The following TPRG1 variants were observed in gnomAD, a reference collection of about 807,000 sequenced individuals.
TPRG1 encodes tumor protein p63 regulated 1.
In TPRG1, 29 loss-of-function variants were observed where a neutral mutation model predicts 29.3. The ratio of observed to expected loss-of-function variants is 0.99; its 90% CI spans 0.74 to 1.35. The LOEUF is 1.35. Ranked by LOEUF, TPRG1 falls within the 40% of genes most tolerant of loss-of-function variation. The pLI is 0.00. For missense variants in TPRG1, 327 were observed against 335.0 expected, an observed-to-expected ratio of 0.98 and a Z score of 0.19; for synonymous variants, 130 against 116.8, an observed-to-expected ratio of 1.11 and a Z score of -0.73.
chr3:189,147,711 T>C (rs1277762556), intron 4 of TPRG1: 1 of 152,186 alleles, frequency 6.6e-6, no homozygotes, highest in Non-Finnish European at 1.5e-5. Flanking sequence ...GACCTGTAGG[T>C]CTCCGGCCTG....
intron 5 of TPRG1, among the ~76,000 whole-genome samples, chr3:189,319,215 T>G (rs1459236773): frequency 2.0e-5 from 3 of 152,184 alleles, no homozygotes; most frequent in African/African-American, 7.2e-5. Flanking sequence ...GTGATTATTA[T>G]TATGAAAAAT....
chr3:189,174,808 G>T (rs1318586446), intron 1 of TPRG1, among the ~76,000 whole-genome samples: 2 of 152,160 alleles, frequency 1.3e-5, no homozygotes, highest in African/African-American at 4.8e-5. Flanking sequence ...GCCTATAAAA[G>T]AATAGGAAGG....
chr3:189,064,251 G>T (rs746450975), intron 4 of TPRG1, among the ~76,000 whole-genome samples: 6 of 152,106 alleles, frequency 3.9e-5, no homozygotes, highest in Non-Finnish European at 5.9e-5. Flanking sequence ...AAACTATTTA[G>T]AAAGCCTGGC....
At chr3:189,088,666 C>G (rs1718125344) in intron 4 of TPRG1, among the ~76,000 whole-genome samples, 1 of 152,104 alleles carries the variant, frequency 6.6e-6, no homozygotes, top group South Asian at 2.1e-4. Context: ...TATATTTTCA[C>G]CCCATTTCCT....
intron 4 of TPRG1, among the ~76,000 whole-genome samples, chr3:189,290,909 G>A (rs567946073): frequency 6.6e-6 from 1 of 151,924 alleles, no homozygotes; most frequent in Non-Finnish European, 1.5e-5. Context: ...ATTTCTTTTT[G>A]TTGTTGTTGT....
intron 2 of TPRG1, among the ~76,000 whole-genome samples, chr3:189,211,325 A>T (rs1029055368): frequency 6.6e-6 from 1 of 152,178 alleles, no homozygotes; most frequent in Non-Finnish European, 1.5e-5. Flanking sequence ...GAGGCAGGAT[A>T]TTGCTCAATT....
At chr3:189,101,292 T>C (rs1262319636) in intron 1 of TPRG1, among the ~76,000 whole-genome samples, 1 of 152,186 alleles carries the variant, frequency 6.6e-6, no homozygotes, top group Admixed American at 6.5e-5. Flanking sequence ...GTCCTCTTAA[T>C]GGTCTTCTAA....
intron 4 of TPRG1, among the ~76,000 whole-genome samples, chr3:189,065,662 T>C (rs1318772306): frequency 6.6e-6 from 1 of 152,140 alleles, no homozygotes; most frequent in East Asian, 1.9e-4. Context: ...GGAATTACTA[T>C]GACTTGATAT....
chr3:189,029,117 C>G (rs529192200), intron 4 of TPRG1, among the ~76,000 whole-genome samples: 1 of 152,038 alleles, frequency 6.6e-6, no homozygotes, highest in East Asian at 1.9e-4. Context: ...AAAAATTGAG[C>G]CTTTTTTTCT....
intron 4 of TPRG1, among the ~76,000 whole-genome samples, chr3:189,068,818 G>C (rs1052932734): frequency 1.3e-5 from 2 of 151,912 alleles, no homozygotes; most frequent in Non-Finnish European, 2.9e-5. Flanking sequence ...GAGGGAGGAG[G>C]GAGGAGGGAG....
chr3:189,170,889 A>G (rs1168038140), upstream of TPRG1, among the ~76,000 whole-genome samples: 5 of 152,206 alleles, frequency 3.3e-5, no homozygotes, highest in Non-Finnish European at 7.3e-5. Context: ...AATTCAACCA[A>G]TTTACTTTGT....
chr3:189,183,392 T>C (rs1730500405), intron 1 of TPRG1, among the ~76,000 whole-genome samples: 1 of 152,088 alleles, frequency 6.6e-6, no homozygotes, highest in South Asian at 2.1e-4. Context: ...AAATTAAGAT[T>C]GCTAATGAAG....
At chr3:189,028,297 A>T (rs1337220673) in intron 4 of TPRG1, among the ~76,000 whole-genome samples, 1 of 152,178 alleles carries the variant, frequency 6.6e-6, no homozygotes, top group Non-Finnish European at 1.5e-5. Context: ...CTTGAGGGAG[A>T]CGCTTGGGCA....
rs1173503338 is a variant in TPRG1 at position 189,231,961 on chromosome 3, G to GTGTGTGTGTGTGTA, written c.303-6759_303-6758insATGTGTGTGTGTGT. Among the ~76,000 whole-genome samples the GTGTGTGTGTGTGTA allele has an allele frequency of 1.1e-3, 171 of 152,056 alleles. 1 individual carries two copies. Among genetic ancestry groups the GTGTGTGTGTGTGTA allele is most frequent in the Non-Finnish European group, 2.1e-3 (142 of 67,972 alleles). On this transcript the variant is annotated intron_variant, in intron 3 of 5. Transcript: ENST00000345063. Reference sequence around the variant, plus strand: ...ACCTGGTTTGTGTGTGTGTGTGTGTGTGTGTGTGTGTGTTTGGGTGTATAT... The same window carrying GTGTGTGTGTGTGTA: ...ACCTGGTTTGTGTGTGTGTGTGTGTGTGTGTGTGTGTGTATGTGTGTGTGTGTTTGGGTGTATAT...
At chr3:189,310,243 C>T (rs1201580740) in intron 4 of TPRG1, 143 bp from the exon 5 acceptor site, 5 of 600,088 alleles carry the variant, frequency 8.3e-6, no homozygotes, top group Non-Finnish European at 1.3e-5. Context: ...ACCTAATTCA[C>T]CTTTTTCTTC....
intron 4 of TPRG1, among the ~76,000 whole-genome samples, chr3:189,244,374 G>A (rs1488706432): frequency 6.6e-6 from 1 of 151,884 alleles, no homozygotes; most frequent in Non-Finnish European, 1.5e-5. Context: ...AGCCAAGATC[G>A]AGCCACTGCA....
chr3:189,062,204 C>T (rs748424830), intron 4 of TPRG1, among the ~76,000 whole-genome samples: 14 of 152,110 alleles, frequency 9.2e-5, no homozygotes, highest in Non-Finnish European at 1.9e-4. Flanking sequence ...TCAAATACCA[C>T]GTGTTCTCGC....
chr3:189,208,985 G>C (rs1421040559), intron 2 of TPRG1, among the ~76,000 whole-genome samples: 1 of 152,176 alleles, frequency 6.6e-6, no homozygotes, highest in East Asian at 1.9e-4. Context: ...GAGGAAATAG[G>C]GAAAAAGGAA....
intron 1 of TPRG1, among the ~76,000 whole-genome samples, chr3:189,190,287 G>A (rs986329213): frequency 3.3e-5 from 5 of 152,240 alleles, no homozygotes; most frequent in South Asian, 4.2e-4. Flanking sequence ...TTCTCTAGAG[G>A]CAAGAATTGA....
Sources: allele counts gnomAD v4.1 joint callset (sites outside exome capture counted in the v4.1 genomes callset), GRCh38; gene constraint gnomAD v4.1.1; transcripts MANE v1.5; gene names NCBI Gene and HGNC (gene_info 2026-07-23, HGNC 2026-07-21).